MICU1: variants seen among roughly 807,000 people sequenced by gnomAD.
MICU1 encodes the protein calcium uptake protein 1, mitochondrial.
MICU1 carries 45 observed loss-of-function variants against 56.8 expected under a neutral mutation model. The observed-to-expected ratio is 0.79, with a 90% CI of 0.62 to 1.02. The LOEUF is 1.02. Among genes scored for constraint, MICU1 ranks in the 50% least tolerant of loss-of-function variants. The probability of loss-of-function intolerance (pLI) is 0.00; values close to 1 mark genes in which losing one functional copy is unlikely to be tolerated. For missense variants in MICU1, 504 were observed against 587.1 expected (o/e 0.86, Z 1.46); for synonymous variants, 186 against 195.1 (o/e 0.95, Z 0.39).
chr10:72,526,362 T>G (rs1867962026), intron 5 of MICU1, among the ~76,000 whole-genome samples: 1 of 152,120 alleles, frequency 6.6e-6, no homozygotes, highest in Non-Finnish European at 1.5e-5. Flanking sequence ...AGTGGCACAA[T>G]CTTGGCTCAC....
chr10:72,595,051 T>C (rs573507437), intron 1 of MICU1, among the ~76,000 whole-genome samples: 2 of 151,992 alleles, frequency 1.3e-5, no homozygotes, highest in South Asian at 4.1e-4. Context: ...CCATATAAAT[T>C]TATGAACACT....
chr10:72,394,285 G>A (rs958733940), intron 10 of MICU1, among the ~76,000 whole-genome samples: 1 of 152,156 alleles, frequency 6.6e-6, no homozygotes, highest in Non-Finnish European at 1.5e-5. Context: ...GGACTAAGAT[G>A]TAGACATATC....
intron 4 of MICU1, 82 bp from the exon 5 acceptor site, chr10:72,533,871 T>G: frequency 1.1e-6 from 1 of 950,298 alleles, no homozygotes; most frequent in East Asian, 2.6e-5. Context: ...TGGTTTTGTT[T>G]CCAGTCATTC....
intron 1 of MICU1, among the ~76,000 whole-genome samples, chr10:72,574,059 G>C (rs1455595141): frequency 6.6e-6 from 1 of 152,044 alleles, no homozygotes; most frequent in Non-Finnish European, 1.5e-5. Context: ...TGCACATTTA[G>C]AGAATGACTA....
At chr10:72,576,034 C>T (rs562749164) in intron 1 of MICU1, among the ~76,000 whole-genome samples, 32 of 151,760 alleles carry the variant, frequency 2.1e-4, no homozygotes, top group Non-Finnish European at 3.5e-4. Flanking sequence ...ACCAACATGG[C>T]AAAACCCCAT....
At chr10:72,592,699 C>T (rs1564951997) in intron 1 of MICU1, among the ~76,000 whole-genome samples, 2 of 151,770 alleles carry the variant, frequency 1.3e-5, no homozygotes, top group African/African-American at 4.8e-5. Flanking sequence ...CAATATACAA[C>T]ATTAACAGAA....
chr10:72,367,866 C>T lies in MICU1; in HGVS notation c.*329G>A, dbSNP rs537206632. 1.0e-4 allele frequency: 26 copies of T among 251,492 alleles called. No individual in the cohort carries two copies. Among genetic ancestry groups the T allele is most frequent in the Non-Finnish European group, 1.8e-4 (23 of 131,426 alleles). 15.6% of individuals were successfully genotyped at this position (251,492 alleles called of 1,614,324 possible). On this transcript the variant is annotated 3_prime_UTR_variant, in exon 12 of 12. Coordinates refer to ENST00000361114, the MANE Select transcript of MICU1 (RefSeq NM_001195518.2). ...AAACGATTTGAGAACTGGATGCTTC[C>T]CAGGGTTGGCAGGTGTGTGGATGGT...
chr10:72,533,613 C>A, intron 5 of MICU1, 133 bp downstream of exon 5: 1 of 625,022 alleles, frequency 1.6e-6, no homozygotes, highest in East Asian at 3.0e-5. Context: ...GGCACAGACC[C>A]CCTAACCTAA....
At chr10:72,578,896 C>T (rs192558072) in intron 1 of MICU1, among the ~76,000 whole-genome samples, 2 of 152,268 alleles carry the variant, frequency 1.3e-5, no homozygotes, top group African/African-American at 2.4e-5. Context: ...TGAGTCACCG[C>T]GCCCAGCCTG....
At chr10:72,441,768 C>T (rs901950551) in intron 8 of MICU1, among the ~76,000 whole-genome samples, 6 of 151,720 alleles carry the variant, frequency 4.0e-5, no homozygotes, top group African/African-American at 1.4e-4. Context: ...AGGCATGCAC[C>T]ACTATGCCCA....
rs554891690 is a variant in MICU1 at position 72,513,418 on chromosome 10, G to A, written c.538-5149C>T. On this transcript the variant is annotated intron_variant, in intron 5 of 11. Transcript: ENST00000361114. ...TGAATTTGTTATTTCTCATTTGGCT[G>A]TTGAGTTCTAATCGAAGTTCTTTAT... Among the ~76,000 whole-genome samples the A allele has an allele frequency of 2.9e-4, 44 of 152,256 alleles. 1 individual carries two copies. The South Asian group carries it at 8.3e-3, about 29-fold the overall frequency.
intron 10 of MICU1, among the ~76,000 whole-genome samples, chr10:72,378,279 C>A (rs1862591879): frequency 6.6e-6 from 1 of 151,982 alleles, no homozygotes; most frequent in Admixed American, 6.6e-5. Flanking sequence ...AACAAAAAAA[C>A]CCTGAAAATC....
chr10:72,485,218 T>A (rs933741780), intron 6 of MICU1, among the ~76,000 whole-genome samples: 2 of 137,320 alleles, frequency 1.5e-5, no homozygotes, highest in African/African-American at 5.7e-5. Context: ...ATAAAAGTCT[T>A]AAGTTTAAAT....
intron 8 of MICU1, among the ~76,000 whole-genome samples, chr10:72,447,435 T>TA (rs1865140203): frequency 3.3e-5 from 5 of 152,314 alleles, no homozygotes; most frequent in Admixed American, 1.3e-4. Flanking sequence ...GACAAAATTG[T>TA]ATATTACTGT....
chr10:72,410,805 G>A (rs1227621335), intron 9 of MICU1, among the ~76,000 whole-genome samples: 2 of 152,132 alleles, frequency 1.3e-5, no homozygotes, highest in African/African-American at 4.8e-5. Context: ...GCATACCATA[G>A]TATGCTATTT....
At chr10:72,578,818 G>A (rs1030563687) in intron 1 of MICU1, among the ~76,000 whole-genome samples, 1 of 152,076 alleles carries the variant, frequency 6.6e-6, no homozygotes, top group African/African-American at 2.4e-5. Flanking sequence ...TATTGGCCAG[G>A]CTGGTCTTGA....
intron 8 of MICU1, among the ~76,000 whole-genome samples, chr10:72,462,851 T>C (rs1420528861): frequency 6.6e-6 from 1 of 152,210 alleles, no homozygotes; most frequent in Non-Finnish European, 1.5e-5. Context: ...AAAGTTTCCA[T>C]GGAGAAAAAT....
chr10:72,516,493 T>C (rs1280603547), intron 5 of MICU1, among the ~76,000 whole-genome samples: 1 of 152,148 alleles, frequency 6.6e-6, no homozygotes, highest in Non-Finnish European at 1.5e-5. Context: ...GGTGTTTTAG[T>C]CATGAAGTCT....
chr10:72,596,204 T>C (rs906994478), intron 1 of MICU1, among the ~76,000 whole-genome samples: 1 of 151,934 alleles, frequency 6.6e-6, no homozygotes. Flanking sequence ...CTCGAACTCC[T>C]GACCTCATGG....
Sources: gnomAD v4.1 joint callset for allele counts (sites outside exome capture counted in the v4.1 genomes callset) on GRCh38, gnomAD v4.1.1 for gene constraint, MANE v1.5 for transcripts, NCBI Gene and HGNC (gene_info 2026-07-23, HGNC 2026-07-21) for gene names.